The following ITSN1 variants were observed in gnomAD, a reference collection of about 807,000 sequenced individuals.
The protein encoded by ITSN1 is intersectin 1, also known as intersectin-1.
ITSN1 carries 58 observed loss-of-function variants against 239.8 expected under a neutral mutation model. The observed-to-expected ratio is 0.24, with a 90% CI of 0.20 to 0.30. The LOEUF (loss-of-function observed/expected upper bound fraction) is 0.30, where lower values mean the gene tolerates loss of function less well. ITSN1 is among the 10% of genes least tolerant of loss of function. ITSN1 has a pLI of 1.00. For missense variants in ITSN1, 1,558 were observed against 2,103.3 expected, an observed-to-expected ratio of 0.74 and a Z score of 5.07; for synonymous variants, 780 against 770.8, an observed-to-expected ratio of 1.01 and a Z score of -0.20.
Position 33,823,657 on chromosome 21 carries a change from A to C in ITSN1, c.3183+4A>C. The C allele has an allele frequency of 6.2e-7, 1 of 1,610,504 alleles. No homozygotes were observed. Among genetic ancestry groups the C allele is most frequent in the Non-Finnish European group, 8.5e-7 (1 of 1,178,280 alleles). On this transcript the variant is annotated splice_donor_region_variant and intron_variant, in intron 25 of 39. Transcript: ENST00000381318. ...TGTGAGGCTTAAAGATTCAGAGGTA[A>C]ACCCACATTAACTGTTTCCTCTCCC...
chr21:33,772,151 A>G lies in ITSN1; in HGVS notation c.1133A>G (p.Lys378Arg). The G allele has an allele frequency of 6.2e-7, 1 of 1,614,246 alleles. No homozygotes were observed. Among genetic ancestry groups the G allele is most frequent in the African/African-American group, 1.3e-5 (1 of 75,052 alleles). Residue 378 changes from lysine (K) to arginine (R), a missense_variant, in exon 12 of 40, where the codon AAG becomes AGG. This residue lies in a region of ITSN1 where 982 missense variants were observed against 1,209.9 expected (regional missense o/e 0.81). Coordinates refer to ENST00000381318, the MANE Select transcript of ITSN1 (RefSeq NM_003024.3). Reference protein sequence around the residue: ...RRQALLEQQRKEQERLAQLER... With the variant: ...RRQALLEQQRREQERLAQLER... ...CAAGCTCTCCTGGAACAGCAGCGCA[A>G]GGAGCAGGAGCGCCTGGCCCAGCTG...
At chr21:33,878,658 G>A (rs181676490) in intron 34 of ITSN1, among the ~76,000 whole-genome samples, 1 of 152,328 alleles carries the variant, frequency 6.6e-6, no homozygotes, top group East Asian at 1.9e-4. Context: ...GTTGGTGTGG[G>A]ATGAGCAAAG....
In ITSN1 at chr21:33,650,060, TAAC is replaced by T. The variant is rs1423971112; in HGVS notation, c.-33+7350_-33+7352del. ...AAAAAAAAAAAAGAAAGAAAGAAAATAACAAGGTCATAGCAACACAGCAAGTGG... is the reference window on the plus strand; with the variant it reads ...AAAAAAAAAAAAGAAAGAAAGAAAATAAGGTCATAGCAACACAGCAAGTGG... On this transcript the variant is annotated intron_variant, in intron 1 of 39. Transcript: ENST00000381318. 3.5e-5 allele frequency among the ~76,000 whole-genome samples: 5 copies of T among 142,518 alleles called. No homozygotes were observed. The East Asian group carries it at 1.0e-3, about 29-fold the overall frequency. The allele number at this position is 142,518 out of a possible 152,430, so 93.5% of individuals were successfully genotyped here.
intron 5 of ITSN1, among the ~76,000 whole-genome samples, chr21:33,738,796 C>T (rs1245294360): frequency 1.3e-5 from 2 of 151,860 alleles, no homozygotes; most frequent in Admixed American, 6.6e-5. Flanking sequence ...TCCTTGTCTG[C>T]ATGGGTTTTT....
intron 9 of ITSN1, among the ~76,000 whole-genome samples, chr21:33,763,060 T>C (rs147637383): frequency 1.2e-3 from 190 of 152,150 alleles, no homozygotes; most frequent in African/African-American, 4.4e-3. Context: ...TCACATTCCT[T>C]AGAGTGCCTC....
chr21:33,745,490 T>TAGAA (rs1028932074), intron 5 of ITSN1, among the ~76,000 whole-genome samples: 4 of 152,222 alleles, frequency 2.6e-5, no homozygotes, highest in Admixed American at 2.6e-4. Flanking sequence ...ACCAAAGGTA[T>TAGAA]ATAACATCTG....
chr21:33,784,924 C>A (rs1355253081), intron 16 of ITSN1, among the ~76,000 whole-genome samples: 1 of 152,196 alleles, frequency 6.6e-6, no homozygotes, highest in Non-Finnish European at 1.5e-5. Context: ...AGAGCATCCA[C>A]GCTGTTGATG....
intron 1 of ITSN1, among the ~76,000 whole-genome samples, chr21:33,650,545 G>A (rs914122137): frequency 6.6e-6 from 1 of 152,168 alleles, no homozygotes; most frequent in Non-Finnish European, 1.5e-5. Flanking sequence ...TAATAGGAGT[G>A]TTCATTGTGG....
chr21:33,853,946 C>T (rs1045378852), intron 29 of ITSN1, among the ~76,000 whole-genome samples: 4 of 152,194 alleles, frequency 2.6e-5, no homozygotes, highest in African/African-American at 9.7e-5. Context: ...CCACCAGTCC[C>T]CCAGGTTCTT....
chr21:33,654,263 C>A (rs1416323004), intron 1 of ITSN1, among the ~76,000 whole-genome samples: 1 of 150,398 alleles, frequency 6.6e-6, no homozygotes, highest in Non-Finnish European at 1.5e-5. Context: ...GCTGTGTTGC[C>A]TAGGCTGGTC....
chr21:33,861,581 T>C (rs894638727), intron 31 of ITSN1, among the ~76,000 whole-genome samples: 2 of 152,134 alleles, frequency 1.3e-5, no homozygotes, highest in Admixed American at 1.3e-4. Context: ...ATAGACAAGG[T>C]AGGGCCAGAC....
At chr21:33,856,986 G>A in intron 30 of ITSN1, 129 bp downstream of exon 30, 1 of 838,446 alleles carries the variant, frequency 1.2e-6, no homozygotes, top group East Asian at 2.6e-5. Context: ...GGAGCATCTG[G>A]ATGGCAAATG....
intron 1 of ITSN1, among the ~76,000 whole-genome samples, chr21:33,690,210 G>C (rs2091446186): frequency 6.6e-6 from 1 of 151,218 alleles, no homozygotes; most frequent in East Asian, 2.0e-4. Flanking sequence ...CCTGGGAGGT[G>C]GAGGTTGTAG....
At chr21:33,766,215 A>G (rs182582846) in intron 10 of ITSN1, among the ~76,000 whole-genome samples, 102 of 152,372 alleles carry the variant, frequency 6.7e-4, no homozygotes, top group Admixed American at 1.2e-3. Flanking sequence ...TAGTGAAACA[A>G]TGAAGTAAAA....
At chr21:33,695,655 TTTTTATATTATGGG>T (rs2091761700) in intron 1 of ITSN1, among the ~76,000 whole-genome samples, 6 of 152,334 alleles carry the variant, frequency 3.9e-5, no homozygotes, top group Non-Finnish European at 7.3e-5. Flanking sequence ...TTTAGAAAGT[TTTTTATATTATGGG>T]TAGAAGGTGA....
chr21:33,886,249 T>C (rs755238739), intron 38 of ITSN1, 38 bp from the exon 39 acceptor site: 2 of 1,513,318 alleles, frequency 1.3e-6, no homozygotes, highest in South Asian at 2.4e-5. Flanking sequence ...CAAAATGAGG[T>C]GTGAGTTCCA....
At chr21:33,807,978 G>A (rs983147293) in intron 20 of ITSN1, among the ~76,000 whole-genome samples, 2 of 151,634 alleles carry the variant, frequency 1.3e-5, no homozygotes, top group Non-Finnish European at 2.9e-5. Context: ...GAGGTCAGGA[G>A]ATCGAGACCA....
At chr21:33,645,410 A>T (rs974849943) in intron 1 of ITSN1, among the ~76,000 whole-genome samples, 3 of 152,150 alleles carry the variant, frequency 2.0e-5, no homozygotes, top group African/African-American at 7.2e-5. Context: ...TGGGAGGCTG[A>T]AGTAGGAATA....
At chr21:33,795,337 T>C (rs2071459965) in intron 17 of ITSN1, among the ~76,000 whole-genome samples, 1 of 152,096 alleles carries the variant, frequency 6.6e-6, no homozygotes, top group South Asian at 2.1e-4. Flanking sequence ...TAGTCCCAGC[T>C]ACTTGGGAGG....
Sources: gnomAD v4.1 joint callset for allele counts (sites outside exome capture counted in the v4.1 genomes callset) on GRCh38, gnomAD v4.1.1 for gene constraint, gnomAD v4.1.1 regional missense constraint, MANE v1.5 for transcripts, NCBI Gene and HGNC (gene_info 2026-07-23, HGNC 2026-07-21) for gene names.